The following ZNF441 variants were observed in gnomAD, a reference collection of about 807,000 sequenced individuals.
The protein encoded by ZNF441 is zinc finger protein 441.
A neutral mutation model predicts 64.5 loss-of-function variants in ZNF441; 25 were observed. The ratio of observed to expected loss-of-function variants is 0.39; its 90% CI spans 0.28 to 0.54. The LOEUF (loss-of-function observed/expected upper bound fraction) is 0.54, where lower values mean the gene tolerates loss of function less well. Among genes scored for constraint, ZNF441 ranks in the 20% least tolerant of loss-of-function variants. The pLI is 0.70. For synonymous variants in ZNF441, 262 were observed against 268.0 expected, an observed-to-expected ratio of 0.98 and a Z score of 0.22; for missense variants, 715 against 843.3, an observed-to-expected ratio of 0.85 and a Z score of 1.88.
rs750684357 is a variant in ZNF441 at position 11,780,396 on chromosome 19, A to G, written c.572A>G (p.His191Arg). The change falls in exon 4 of 4, where the codon CAT (histidine) becomes CGT (arginine). Residue 191 changes from histidine (H) to arginine (R), a missense_variant. Transcript: ENST00000357901. Reference sequence around the variant, plus strand: ...CTTCAAAGACACATGGCAGCACACCATGGAGATGGACCTCGTATATGTAAG... The same window carrying G: ...CTTCAAAGACACATGGCAGCACACCGTGGAGATGGACCTCGTATATGTAAG... ...ENLQRHMAAH[H>R]GDGPRICKLC... is the part of the protein sequence containing the mutation. 4 of 1,614,112 alleles carry G rather than the reference A, an allele frequency of 2.5e-6. No individual in the cohort carries two copies. Among genetic ancestry groups the G allele is most frequent in the South Asian group, 1.1e-5 (1 of 91,096 alleles).
intron 1 of ZNF441, among the ~76,000 whole-genome samples, chr19:11,772,739 G>A (rs1975324242): frequency 6.6e-6 from 1 of 152,110 alleles, no homozygotes; most frequent in Non-Finnish European, 1.5e-5. Context: ...AGGATGGGGT[G>A]GCACATCCAG....
rs147383482 is a variant in ZNF441 at position 11,775,505 on chromosome 19, A to G, written c.4-2106A>G. 3.4e-3 allele frequency among the ~76,000 whole-genome samples: 519 copies of G among 150,494 alleles called. 18 individuals are homozygous for G. The East Asian group carries it at 0.085, about 25-fold the overall frequency. On this transcript the variant is annotated intron_variant, in intron 1 of 3. Coordinates refer to ENST00000357901, the MANE Select transcript of ZNF441 (RefSeq NM_152355.3). Reference sequence around the variant, plus strand: ...CCACCACGCCCGGCTAATTTTTTGTATTTTTAGTAGAGACGGGGTTTCACC... The same window carrying G: ...CCACCACGCCCGGCTAATTTTTTGTGTTTTTAGTAGAGACGGGGTTTCACC...
intron 1 of ZNF441, among the ~76,000 whole-genome samples, chr19:11,771,876 G>A (rs1301892710): frequency 6.6e-6 from 1 of 152,204 alleles, no homozygotes; most frequent in African/African-American, 2.4e-5. Flanking sequence ...TCCACCTCTT[G>A]TGGAGGGCCT....
At chr19:11,775,434 A>G (rs1414628921) in intron 1 of ZNF441, among the ~76,000 whole-genome samples, 2 of 151,542 alleles carry the variant, frequency 1.3e-5, no homozygotes, top group Non-Finnish European at 2.9e-5. Context: ...AGTTAATGCC[A>G]TTCTCCTGCC....
rs1975414302 is a variant in ZNF441, at chr19:11,782,745, ATTTTG to A, written c.*842_*846del. ...ACCAAACCTTCCAGTGGTTATAGGCATTTTGTTATCCTTCAAGTGACCTGGAGCCT... is the reference window on the plus strand; with the variant it reads ...ACCAAACCTTCCAGTGGTTATAGGCATTATCCTTCAAGTGACCTGGAGCCT... On this transcript the variant is annotated 3_prime_UTR_variant, in exon 4 of 4. Transcript: ENST00000357901. 1 of 152,170 alleles carries A rather than the reference ATTTTG, an allele frequency of 6.6e-6. No homozygotes were observed. The highest frequency in any genetic ancestry group is 1.5e-5 in the Non-Finnish European group (1 of 68,016). 9.4% of individuals were successfully genotyped at this position (152,170 alleles called of 1,614,324 possible). A position where few individuals can be genotyped will look rare whatever the true frequency, so the allele number is the denominator to read the frequency against.
rs1975284535 is a variant in ZNF441 at position 11,767,982 on chromosome 19, T to C, written c.3+786T>C. Among the ~76,000 whole-genome samples the C allele has an allele frequency of 6.6e-6, 1 of 152,190 alleles. No individual in the cohort carries two copies. The highest frequency in any genetic ancestry group is 2.4e-5 in the African/African-American group (1 of 41,454). On this transcript the variant is annotated intron_variant, in intron 1 of 3. Coordinates refer to ENST00000357901, the MANE Select transcript of ZNF441 (RefSeq NM_152355.3). The surrounding 1 kb of genome is among the most constrained non-coding windows in gnomAD (Gnocchi z 5.1). ...ACCCGGTGAGGAGGCTGCACGGTGA[T>C]GACAGGTCACCAGGCAGACTCGTGT...
rs1326046516 is a variant in ZNF441 at position 11,780,053 on chromosome 19, G to T, written c.229G>T (p.Asp77Tyr). 30 of 1,613,162 alleles carry T rather than the reference G, an allele frequency of 1.9e-5. No individual in the cohort carries two copies. The highest frequency in any genetic ancestry group is 2.7e-5 in the African/African-American group (2 of 74,924). Reference sequence around the variant, plus strand: ...GGTAGAGAGAGCCTGTGAAATTAAAGATAATAGTCAATGTGGAGGACCCTT... The same window carrying T: ...GGTAGAGAGAGCCTGTGAAATTAAATATAATAGTCAATGTGGAGGACCCTT... ...HMVERACEIKDNSQCGGPFTQ... is the reference protein window; with the variant it reads ...HMVERACEIKYNSQCGGPFTQ... The change falls in exon 4 of 4, where the codon GAT (aspartate) becomes TAT (tyrosine). Residue 77 changes from aspartate to tyrosine, a missense_variant. Asp to Tyr is a radical substitution (Grantham distance 160). Transcript: ENST00000357901.
At chr19:11,776,012 T>G (rs1975352789) in intron 1 of ZNF441, among the ~76,000 whole-genome samples, 2 of 152,204 alleles carry the variant, frequency 1.3e-5, no homozygotes, top group East Asian at 3.8e-4. Context: ...TTAATCATAA[T>G]TTGTTGTCCC....
Position 11,780,370 on chromosome 19 carries a change from C to T in ZNF441, c.546C>T (p.Asn182=). The T allele has an allele frequency of 6.2e-7, 1 of 1,614,204 alleles. No individual in the cohort carries two copies. ...KECASFSSLE[N]LQRHMAAHHG... The stretch of plus-strand genomic sequence containing the variant: ...GTGCAAGCTTCAGTTCTCTTGAAAA[C>T]CTTCAAAGACACATGGCAGCACACC... The change falls in exon 4 of 4, where the codon AAC becomes AAT. Residue 182 remains asparagine, a synonymous_variant. Coordinates refer to ENST00000357901, the MANE Select transcript of ZNF441 (RefSeq NM_152355.3).
chr19:11,768,134 G>C (rs1309922923), intron 1 of ZNF441, among the ~76,000 whole-genome samples: 2 of 152,138 alleles, frequency 1.3e-5, no homozygotes, highest in Non-Finnish European at 2.9e-5. Flanking sequence ...GTCCACCACT[G>C]TGTTCTCTCA....
At chr19:11,777,002 G>A (rs112764673) in intron 1 of ZNF441, among the ~76,000 whole-genome samples, 3 of 152,062 alleles carry the variant, frequency 2.0e-5, no homozygotes, top group African/African-American at 7.2e-5. Flanking sequence ...TAGAGACAGT[G>A]TTTCTCCCTG....
Position 11,781,431 on chromosome 19 carries a change from G to T in ZNF441, c.1607G>T (p.Cys536Phe), listed in dbSNP as rs993859391. ...TGERPYKCKL[C>F]GKGFRSSSYI... is the part of the protein sequence containing the mutation. ...GAGAGACCCTATAAGTGTAAACTAT[G>T]TGGGAAAGGCTTCAGGTCTTCCAGT... The change falls in exon 4 of 4, where the codon TGT (cysteine) becomes TTT (phenylalanine). Residue 536 changes from cysteine (C) to phenylalanine (F), a missense_variant. Around this residue, in one of 2 missense-constraint regions of ZNF441, gnomAD observed 316 missense variants for 429.3 expected, o/e 0.74. Coordinates refer to ENST00000357901, the MANE Select transcript of ZNF441 (RefSeq NM_152355.3). 1.9e-6 allele frequency: 3 copies of T among 1,613,964 alleles called. No homozygotes were observed. The highest frequency in any genetic ancestry group is 2.7e-5 in the African/African-American group (2 of 74,894).
chr19:11,780,732 C>T lies in ZNF441; in HGVS notation c.908C>T (p.Thr303Ile). ...GSFQRHMIVH[T>I]GDGPHKCKIC... The stretch of plus-strand genomic sequence containing the variant: ...TTTCAAAGACACATGATAGTGCACA[C>T]TGGAGATGGGCCTCATAAATGTAAG... The change falls in exon 4 of 4, where the codon ACT becomes ATT. Residue 303 changes from threonine (T) to isoleucine (I), a missense_variant. This residue lies in a region of ZNF441 where 399 missense variants were observed against 413.9 expected (regional missense o/e 0.96). Coordinates refer to ENST00000357901, the MANE Select transcript of ZNF441 (RefSeq NM_152355.3). 1 of 1,614,118 alleles carries T rather than the reference C, an allele frequency of 6.2e-7. No homozygotes were observed. Among genetic ancestry groups the T allele is most frequent in the Non-Finnish European group, 8.5e-7 (1 of 1,180,020 alleles).
rs144434370 is a variant in ZNF441, at chr19:11,781,405, G to A, written c.1581G>A (p.Gly527=). The change falls in exon 4 of 4, where the codon GGG becomes GGA. Residue 527 remains glycine, a synonymous_variant. Coordinates refer to ENST00000357901, the MANE Select transcript of ZNF441 (RefSeq NM_152355.3). The part of the protein sequence containing the change: ...SFRRHERIHT[G]ERPYKCKLCG... ...GAAGACATGAAAGAATTCACACTGG[G>A]GAGAGACCCTATAAGTGTAAACTAT... The A allele has an allele frequency of 2.2e-4, 348 of 1,613,562 alleles. No homozygotes were observed. In the African/African-American group the frequency reaches 4.1e-3, roughly 19 times the overall value.
chr19:11,774,741 A>T (rs1033619857), intron 1 of ZNF441, among the ~76,000 whole-genome samples: 2 of 152,170 alleles, frequency 1.3e-5, no homozygotes, highest in South Asian at 4.1e-4. Context: ...TTTTTATTCA[A>T]TAAGTCTAAT....
chr19:11,780,085 G>A lies in ZNF441; in HGVS notation c.261G>A (p.Gln87=). The A allele has an allele frequency of 6.2e-7, 1 of 1,614,126 alleles. No individual in the cohort carries two copies. The highest frequency in any genetic ancestry group is 8.5e-7 in the Non-Finnish European group (1 of 1,180,008). The part of the protein sequence containing the change: ...DNSQCGGPFT[Q]TQDSIVNEKI... ...GTCAATGTGGAGGACCCTTTACCCA[G>A]ACTCAAGACAGTATTGTGAACGAGA... Residue 87 remains glutamine, a synonymous_variant, in exon 4 of 4, where the codon CAG becomes CAA. Coordinates refer to ENST00000357901, the MANE Select transcript of ZNF441 (RefSeq NM_152355.3).
At chr19:11,779,989 CT>C (rs1568481516) in intron 3 of ZNF441, 29 bp from the exon 4 acceptor site, 1 of 1,492,242 alleles carries the variant, frequency 6.7e-7, no homozygotes, top group Non-Finnish European at 9.2e-7. Context: ...ATAAACAAAC[CT>C]TTACTAATGT....
rs1287850505 is a variant in ZNF441, at chr19:11,778,025, A to T, written c.130+288A>T. 3 of 398,762 alleles carry T rather than the reference A, an allele frequency of 7.5e-6. No individual in the cohort carries two copies. In the Admixed American group the frequency reaches 1.3e-4, roughly 17 times the overall value. The allele number at this position is 398,762 out of a possible 1,614,324, so 24.7% of individuals were successfully genotyped here. On this transcript the variant is annotated intron_variant, in intron 2 of 3. Transcript: ENST00000357901. ...AAGCTAGAAAAGGAAAATATTCATT[A>T]GGAAACCATAGGTAAGTGGAACATT...
At chr19:11,778,153 A>C (rs965905347) in intron 2 of ZNF441, 177 bp from the exon 3 acceptor site, 1 of 555,946 alleles carries the variant, frequency 1.8e-6, no homozygotes, top group African/African-American at 1.9e-5. Flanking sequence ...CTGTCTCAAG[A>C]GTAGCAGAGA....
Sources: allele counts gnomAD v4.1 joint callset (sites outside exome capture counted in the v4.1 genomes callset), GRCh38; gene constraint gnomAD v4.1.1; regional missense constraint gnomAD v4.1.1; non-coding constraint Gnocchi (gnomAD v3.1); transcripts MANE v1.5; gene names NCBI Gene and HGNC (gene_info 2026-07-23, HGNC 2026-07-21).